SREK1: variants seen among roughly 807,000 people sequenced by gnomAD.
SREK1 encodes splicing regulatory glutamic acid and lysine rich protein 1.
SREK1 carries 13 observed loss-of-function variants against 66.5 expected under a neutral mutation model. The ratio of observed to expected loss-of-function variants is 0.20; its 90% confidence interval spans 0.13 to 0.31. SREK1 has a LOEUF of 0.31. Among genes scored for constraint, SREK1 ranks in the 10% least tolerant of loss-of-function variants. The pLI, the probability that SREK1 is intolerant of heterozygous loss-of-function variation, is 1.00. For missense variants in SREK1, 607 were observed against 769.6 expected, an observed-to-expected ratio of 0.79 and a Z score of 2.50; for synonymous variants, 265 against 263.5, an observed-to-expected ratio of 1.01 and a Z score of -0.05.
rs200372797 is a variant in SREK1, at chr5:66,177,617, G to A, written c.1684G>A (p.Asp562Asn). 16 of 1,608,856 alleles carry A rather than the reference G, an allele frequency of 9.9e-6. No homozygotes were observed. The African/African-American group carries it at 2.0e-4, about 20-fold the overall frequency. Residue 562 changes from aspartate (D) to asparagine (N), a missense_variant, in exon 11 of 12, where the codon GAT (aspartate) becomes AAT (asparagine). Asp to Asn is a conservative substitution (Grantham distance 23). Around this residue, in one of 5 missense-constraint regions of SREK1, gnomAD observed 318 missense variants for 310.3 expected, o/e 1.02. Coordinates refer to ENST00000334121, the MANE Select transcript of SREK1 (RefSeq NM_001077199.3). Reference sequence around the variant, plus strand: ...TATGAGAAAGAGTTCTAATGATAGAGATGGGAAGGAGAAGTTGGAGAAGAA... The same window carrying A: ...TATGAGAAAGAGTTCTAATGATAGAAATGGGAAGGAGAAGTTGGAGAAGAA... ...TSMRKSSNDR[D>N]GKEKLEKNST... is the part of the protein sequence containing the mutation.
chr5:66,167,384 A>C (rs1381540834), intron 7 of SREK1: 1 of 152,260 alleles, frequency 6.6e-6, no homozygotes, highest in African/African-American at 2.4e-5. Context: ...GACATTTTAT[A>C]ATATTTTAAT....
Position 66,144,312 on chromosome 5 carries a change from C to T in SREK1, c.-65C>T. On this transcript the variant is annotated 5_prime_UTR_variant, in exon 1 of 12. Coordinates refer to ENST00000334121, the MANE Select transcript of SREK1 (RefSeq NM_001077199.3). ...CTCGCGGCCGCGCGTTCTCCGCTTTCCCGGCTCCGTCGCTGACGCGTCGTA... is the reference window on the plus strand; with the variant it reads ...CTCGCGGCCGCGCGTTCTCCGCTTTTCCGGCTCCGTCGCTGACGCGTCGTA... The T allele has an allele frequency of 1.5e-6, 2 of 1,348,402 alleles. No homozygotes were observed. The highest frequency in any genetic ancestry group is 1.4e-5 in the South Asian group (1 of 73,608). 83.5% of individuals were successfully genotyped at this position (1,348,402 alleles called of 1,614,324 possible). A position where few individuals can be genotyped will look rare whatever the true frequency, so the allele number is the denominator to read the frequency against.
At chr5:66,164,062 A>G (rs1744974062) in intron 6 of SREK1, 140 bp downstream of exon 6, 2 of 1,028,606 alleles carry the variant, frequency 1.9e-6, no homozygotes, top group Admixed American at 2.8e-5. Context: ...AGTAAGTAGC[A>G]TACTCATGTC....
chr5:66,155,780 C>CA (rs1484613108), intron 2 of SREK1, among the ~76,000 whole-genome samples: 1 of 152,184 alleles, frequency 6.6e-6, no homozygotes, highest in Non-Finnish European at 1.5e-5. Context: ...TGATGTGTAA[C>CA]AGTTTCATGC....
chr5:66,182,210 G>A lies in SREK1; in HGVS notation c.*3342G>A, dbSNP rs924736252. 1.3e-5 allele frequency: 2 copies of A among 152,088 alleles called. No individual in the cohort carries two copies. The highest frequency in any genetic ancestry group is 4.8e-5 in the African/African-American group (2 of 41,408). 9.4% of individuals were successfully genotyped at this position (152,088 alleles called of 1,614,324 possible). A position where few individuals can be genotyped will look rare whatever the true frequency, so the allele number is the denominator to read the frequency against. ...CAGTGAATCATTTACGTTTTCATTG[G>A]AAGACAGTATCTGATTTCAACTGGT... On this transcript the variant is annotated 3_prime_UTR_variant, in exon 12 of 12. Transcript: ENST00000334121.
chr5:66,175,015 ATCT>A lies in SREK1; in HGVS notation c.1558_1560del (p.Ser520del), dbSNP rs1375627162. On this transcript the variant is annotated inframe_deletion, in exon 10 of 12. Coordinates refer to ENST00000334121, the MANE Select transcript of SREK1 (RefSeq NM_001077199.3). ...GAACATCAAAAACCATAAAAAGGAA[ATCT>A]TCTAGATCTCCGTCCCCCAGGAGGT... The A allele has an allele frequency of 1.9e-6, 3 of 1,612,502 alleles. No individual in the cohort carries two copies. The highest frequency in any genetic ancestry group is 1.7e-5 in the Admixed American group (1 of 59,920).
At chr5:66,164,000 A>T in intron 6 of SREK1, 78 bp downstream of exon 6, 1 of 1,504,210 alleles carries the variant, frequency 6.6e-7, no homozygotes, top group Non-Finnish European at 9.0e-7. Context: ...TTTAGAAATC[A>T]TCTTGTTCAG....
intron 1 of SREK1, among the ~76,000 whole-genome samples, chr5:66,151,834 CTTTTTTTTTTT>C (rs60920757): frequency 0.067 from 5,673 of 84,662 alleles, 465 homozygotes; most frequent in African/African-American, 0.23. Flanking sequence ...GAGGTACATC[CTTTTTTTTTTT>C]TTTTTTTTTT....
chr5:66,180,334 AAAGTT>A lies in SREK1; in HGVS notation c.*1471_*1475del. On this transcript the variant is annotated 3_prime_UTR_variant, in exon 12 of 12. Coordinates refer to ENST00000334121, the MANE Select transcript of SREK1 (RefSeq NM_001077199.3). The stretch of plus-strand genomic sequence containing the variant: ...GTAATACCTTTTAATTAGTGTATTA[AAAGTT>A]AAGTATAATTATTTTAATGCAATCT... 1 of 152,722 alleles carries A rather than the reference AAAGTT, an allele frequency of 6.5e-6. No homozygotes were observed. 9.5% of individuals were successfully genotyped at this position (152,722 alleles called of 1,614,324 possible).
rs1580685489 is a variant in SREK1, at chr5:66,178,973, A to G, written c.*105A>G. On this transcript the variant is annotated 3_prime_UTR_variant, in exon 12 of 12. Coordinates refer to ENST00000334121, the MANE Select transcript of SREK1 (RefSeq NM_001077199.3). ...AAGAAATCTAGTTGAGCATGAAGATAGGATCTAACAGCTTTTCCAGTTGTT... is the reference window on the plus strand; with the variant it reads ...AAGAAATCTAGTTGAGCATGAAGATGGGATCTAACAGCTTTTCCAGTTGTT... 4.8e-6 allele frequency: 6 copies of G among 1,252,108 alleles called. No individual in the cohort carries two copies. The highest frequency in any genetic ancestry group is 1.5e-5 in the African/African-American group (1 of 65,596). 77.6% of individuals were successfully genotyped at this position (1,252,108 alleles called of 1,614,324 possible). A position where few individuals can be genotyped will look rare whatever the true frequency, so the allele number is the denominator to read the frequency against.
At chr5:66,155,922 G>A (rs1357323980) in intron 2 of SREK1, 7 of 1,243,816 alleles carry the variant, frequency 5.6e-6, no homozygotes, top group African/African-American at 1.6e-5. Context: ...ATGTTAACAC[G>A]TAGAAAAAGA....
chr5:66,160,648 G>T (rs1744679226), intron 3 of SREK1, among the ~76,000 whole-genome samples: 1 of 152,154 alleles, frequency 6.6e-6, no homozygotes. Context: ...TTTAAGCAGG[G>T]ATATGACATG....
intron 11 of SREK1, 65 bp from the exon 12 acceptor site, chr5:66,178,654 T>G: frequency 7.0e-7 from 1 of 1,421,810 alleles, no homozygotes; most frequent in Non-Finnish European, 9.3e-7. Context: ...GTTTCACATT[T>G]TTGTCGTCAT....
At chr5:66,154,865 G>C (rs1744147448) in intron 2 of SREK1, among the ~76,000 whole-genome samples, 1 of 152,158 alleles carries the variant, frequency 6.6e-6, no homozygotes, top group African/African-American at 2.4e-5. Context: ...GGTGAGGTGG[G>C]AAAGGAGCTG....
At position 66,144,522 on chromosome 5, in the gene SREK1, G is replaced by A. The variant is rs1742973271; in HGVS notation, c.146G>A (p.Arg49Gln). 4 of 1,552,906 alleles carry A rather than the reference G, an allele frequency of 2.6e-6. No individual in the cohort carries two copies. Among genetic ancestry groups the A allele is most frequent in the Admixed American group, 3.9e-5 (2 of 51,318 alleles). Residue 49 changes from arginine to glutamine, a missense_variant, in exon 1 of 12, where the codon CGG becomes CAG. By Grantham distance (43) the Arg-to-Gln change is conservative. Transcript: ENST00000334121. ...FSFLGEIEEL[R>Q]LYPPDNAPLA... is the part of the protein sequence containing the mutation. ...TTCCTAGGAGAAATCGAGGAGCTGC[G>A]GCTCTACCCCCCGGAGTAAGTGCTG... is the stretch of plus-strand genomic sequence containing the variant.
At position 66,171,625 on chromosome 5, in the gene SREK1, A is replaced by G. The variant is rs543570934; in HGVS notation, c.1484+678A>G. 3.0e-4 allele frequency among the ~76,000 whole-genome samples: 46 copies of G among 152,290 alleles called. 1 individual carries two copies. The East Asian group carries it at 8.7e-3, about 29-fold the overall frequency. On this transcript the variant is annotated intron_variant, in intron 9 of 11. Transcript: ENST00000334121. ...GGAAGTTCCTAACTTATACTACACT[A>G]TCTTAAAAATACTAAATATATATAT...
Position 66,174,948 on chromosome 5 carries a change from A to G in SREK1, c.1487A>G (p.Glu496Gly). ...ASRRSRSSSR[E>G]RRRRRSRSSS... ...AATGATGTGTTTTTGATTTTCAGGG[A>G]AAGGCGTAGGAGGAGGAGCAGGAGT... The change falls in exon 10 of 12, where the codon GAA becomes GGA. Residue 496 changes from glutamate (E) to glycine (G), a missense_variant and splice_region_variant. Around this residue, in one of 5 missense-constraint regions of SREK1, gnomAD observed 318 missense variants for 310.3 expected, o/e 1.02. Transcript: ENST00000334121. 1 of 1,609,568 alleles carries G rather than the reference A, an allele frequency of 6.2e-7. No individual in the cohort carries two copies. The highest frequency in any genetic ancestry group is 1.1e-5 in the South Asian group (1 of 89,828).
At chr5:66,174,273 A>G (rs908369566) in intron 9 of SREK1, among the ~76,000 whole-genome samples, 3 of 148,254 alleles carry the variant, frequency 2.0e-5, no homozygotes, top group Non-Finnish European at 4.4e-5. Context: ...AACGTAATCT[A>G]TTTTATAATT....
At chr5:66,151,358 C>T (rs1220529855) in intron 1 of SREK1, among the ~76,000 whole-genome samples, 2 of 152,114 alleles carry the variant, frequency 1.3e-5, no homozygotes, top group Non-Finnish European at 2.9e-5. Flanking sequence ...GTTACATGGC[C>T]ACACCTAACT....
Sources: gnomAD v4.1 joint callset for allele counts (sites outside exome capture counted in the v4.1 genomes callset) on GRCh38, gnomAD v4.1.1 for gene constraint, gnomAD v4.1.1 regional missense constraint, MANE v1.5 for transcripts, NCBI Gene and HGNC (gene_info 2026-07-23, HGNC 2026-07-21) for gene names.